Variants in KLHL24 observed in about 807,000 individuals in gnomAD.
KLHL24 encodes the protein kelch-like protein 24.
A neutral mutation model predicts 53.4 loss-of-function variants in KLHL24; 29 were observed. The observed-to-expected ratio is 0.54, with a 90% CI of 0.40 to 0.74. KLHL24 has a LOEUF of 0.74. KLHL24 is among the 30% of genes least tolerant of loss of function. The pLI, the probability that KLHL24 is intolerant of heterozygous loss-of-function variation, is 0.00. For synonymous variants in KLHL24, 222 were observed against 253.7 expected, an observed-to-expected ratio of 0.88 and a Z score of 1.19; for missense variants, 504 against 744.0, an observed-to-expected ratio of 0.68 and a Z score of 3.75.
rs1400534288 is a variant in KLHL24, at chr3:183,681,244, TAAG to T, written c.*1961_*1963del. 6.6e-6 allele frequency: 1 copy of T among 152,062 alleles called. No individual in the cohort carries two copies. The highest frequency in any genetic ancestry group is 1.5e-5 in the Non-Finnish European group (1 of 67,880). The allele number at this position is 152,062 out of a possible 1,614,324, so 9.4% of individuals were successfully genotyped here. On this transcript the variant is annotated 3_prime_UTR_variant, in exon 8 of 8. Transcript: ENST00000242810. ...CTTATAGATAATAGAATTATTTAGT[TAAG>T]AAATTCTTTACAGTAAATGAGATAA... is the stretch of plus-strand genomic sequence containing the variant.
In KLHL24 at chr3:183,650,241, G is replaced by A; in HGVS notation, c.-61-55G>A. 1 of 711,916 alleles carries A rather than the reference G, an allele frequency of 1.4e-6. No homozygotes were observed. The highest frequency in any genetic ancestry group is 2.3e-6 in the Non-Finnish European group (1 of 433,166). 44.1% of individuals were successfully genotyped at this position (711,916 alleles called of 1,614,324 possible). ...TGTTTATATTAAAATGAAATTATGT[G>A]ATTTGAATACTGAATTTTTTGCATA... On this transcript the variant is annotated intron_variant, in intron 2 of 7. Coordinates refer to ENST00000242810, the MANE Select transcript of KLHL24 (RefSeq NM_017644.3). This position sits in a 1 kb window ranked among gnomAD's most constrained non-coding sequence, Gnocchi z 4.5.
In KLHL24 at chr3:183,663,418, T is replaced by A. The variant is rs1560172984; in HGVS notation, c.921-40T>A. ...ATCTGGAGTATATTTTAATGTAATA[T>A]TATTATATTATTTATGTACGCTAAT... On this transcript the variant is annotated intron_variant, in intron 3 of 7. Coordinates refer to ENST00000242810, the MANE Select transcript of KLHL24 (RefSeq NM_017644.3). The surrounding 1 kb of genome is among the most constrained non-coding windows in gnomAD (Gnocchi z 4.9). 5.8e-6 allele frequency: 6 copies of A among 1,041,020 alleles called. No individual in the cohort carries two copies. The Admixed American group carries it at 1.4e-4, about 24-fold the overall frequency. 64.5% of individuals were successfully genotyped at this position (1,041,020 alleles called of 1,614,324 possible). A position where few individuals can be genotyped will look rare whatever the true frequency, so the allele number is the denominator to read the frequency against.
rs954349793 is a variant in KLHL24 at position 183,679,394 on chromosome 3, T to G, written c.*108T>G. 2 of 701,436 alleles carry G rather than the reference T, an allele frequency of 2.9e-6. No homozygotes were observed. Among genetic ancestry groups the G allele is most frequent in the Non-Finnish European group, 4.7e-6 (2 of 423,328 alleles). 43.5% of individuals were successfully genotyped at this position (701,436 alleles called of 1,614,324 possible). A position where few individuals can be genotyped will look rare whatever the true frequency, so the allele number is the denominator to read the frequency against. ...CCTTTGTGCCATATGCAAAAAATAG[T>G]AAAAATAATAATTTGGTGCCTTTCT... On this transcript the variant is annotated 3_prime_UTR_variant, in exon 8 of 8. Coordinates refer to ENST00000242810, the MANE Select transcript of KLHL24 (RefSeq NM_017644.3).
chr3:183,639,625 G>C, intron 1 of KLHL24, among the ~76,000 whole-genome samples: 1 of 92,824 alleles, frequency 1.1e-5, no homozygotes, highest in East Asian at 3.6e-4. Context: ...GCAAGACTCT[G>C]TCTCAAAAAA....
chr3:183,643,203 C>T (rs1716730375), intron 1 of KLHL24: 1 of 152,192 alleles, frequency 6.6e-6, no homozygotes, highest in Non-Finnish European at 1.5e-5. Flanking sequence ...GCACTCCAGT[C>T]TGGGCAATAA....
At chr3:183,669,561 C>T (rs1431822540) in intron 5 of KLHL24, among the ~76,000 whole-genome samples, 6 of 152,022 alleles carry the variant, frequency 3.9e-5, no homozygotes, top group Non-Finnish European at 7.4e-5. Context: ...CACAAACTCA[C>T]CAACAGATTA....
intron 2 of KLHL24, among the ~76,000 whole-genome samples, chr3:183,644,631 T>A (rs1255069408): frequency 6.6e-6 from 1 of 152,192 alleles, no homozygotes; most frequent in Non-Finnish European, 1.5e-5. Flanking sequence ...AGACCTCTTT[T>A]GTCAGTGAAC....
In KLHL24 at chr3:183,650,261, T is replaced by G; in HGVS notation, c.-61-35T>G. On this transcript the variant is annotated intron_variant, in intron 2 of 7. Coordinates refer to ENST00000242810, the MANE Select transcript of KLHL24 (RefSeq NM_017644.3). This position sits in a 1 kb window ranked among gnomAD's most constrained non-coding sequence, Gnocchi z 4.5. ...TATGTGATTTGAATACTGAATTTTT[T>G]GCATATTGAAATGTTTTCCTTTTTT... The G allele has an allele frequency of 1.2e-6, 1 of 861,306 alleles. No individual in the cohort carries two copies. Among genetic ancestry groups the G allele is most frequent in the Non-Finnish European group, 1.8e-6 (1 of 561,070 alleles). The allele number at this position is 861,306 out of a possible 1,614,324, so 53.4% of individuals were successfully genotyped here.
chr3:183,666,487 C>T (rs749049360), intron 5 of KLHL24, among the ~76,000 whole-genome samples: 3 of 152,126 alleles, frequency 2.0e-5, no homozygotes, highest in Non-Finnish European at 2.9e-5. Flanking sequence ...GTGTTGAACT[C>T]CTGGGCTCAA....
chr3:183,660,895 C>G (rs560871473), intron 3 of KLHL24, among the ~76,000 whole-genome samples: 31 of 151,212 alleles, frequency 2.1e-4, no homozygotes, highest in Admixed American at 1.1e-3. Context: ...AACCCTGTCT[C>G]TACTAAAAAT....
intron 2 of KLHL24, among the ~76,000 whole-genome samples, chr3:183,645,821 A>G (rs1029753261): frequency 6.6e-6 from 1 of 152,180 alleles, no homozygotes; most frequent in Admixed American, 6.5e-5. Context: ...ATTTAAGAGA[A>G]ACTAATTTTC....
chr3:183,637,963 C>CA (rs1182978299), intron 1 of KLHL24, among the ~76,000 whole-genome samples: 2 of 152,112 alleles, frequency 1.3e-5, no homozygotes, highest in Non-Finnish European at 2.9e-5. Flanking sequence ...CTGGCAAAGA[C>CA]AATACATTTT....
At chr3:183,658,588 G>A (rs904526603) in intron 3 of KLHL24, among the ~76,000 whole-genome samples, 6 of 151,956 alleles carry the variant, frequency 3.9e-5, no homozygotes, top group Non-Finnish European at 8.8e-5. Context: ...TTGAATTACT[G>A]GAAGTAGACT....
At chr3:183,656,855 G>T (rs1718971640) in intron 3 of KLHL24, among the ~76,000 whole-genome samples, 1 of 149,670 alleles carries the variant, frequency 6.7e-6, no homozygotes, top group Non-Finnish European at 1.5e-5. Context: ...GAGCCCAGGA[G>T]TTCGAGACCT....
rs572773905 is a variant in KLHL24, at chr3:183,661,865, A to G, written c.921-1593A>G. ...AAGTGATTTAACTTCAGTGACTAGC[A>G]GTGTTTGTTTTGATTGATTAATAAA... is the stretch of plus-strand genomic sequence containing the variant. On this transcript the variant is annotated intron_variant, in intron 3 of 7. Coordinates refer to ENST00000242810, the MANE Select transcript of KLHL24 (RefSeq NM_017644.3). Among the ~76,000 whole-genome samples, 70 of 152,276 alleles carry G rather than the reference A, an allele frequency of 4.6e-4. 2 individuals carry two copies. The South Asian group carries it at 0.014, about 30-fold the overall frequency.
chr3:183,650,381 C>T lies in KLHL24; in HGVS notation c.25C>T (p.Leu9=), dbSNP rs1377985846. Residue 9 remains leucine, a synonymous_variant, in exon 3 of 8, where the codon CTA becomes TTA. Coordinates refer to ENST00000242810, the MANE Select transcript of KLHL24 (RefSeq NM_017644.3). The surrounding 1 kb of genome is among the most constrained non-coding windows in gnomAD (Gnocchi z 4.5). The part of the protein sequence containing the change: MVLILGRR[L]NREDLGVRDS... Reference sequence around the variant, plus strand: ...AATGGTACTAATATTGGGACGCAGACTAAACAGAGAGGATCTTGGGGTGCG... The same window carrying T: ...AATGGTACTAATATTGGGACGCAGATTAAACAGAGAGGATCTTGGGGTGCG... The T allele has an allele frequency of 6.2e-7, 1 of 1,613,762 alleles. No homozygotes were observed. Among genetic ancestry groups the T allele is most frequent in the Admixed American group, 1.7e-5 (1 of 59,982 alleles).
At chr3:183,641,596 G>T (rs1716459226) in intron 1 of KLHL24, among the ~76,000 whole-genome samples, 1 of 151,374 alleles carries the variant, frequency 6.6e-6, no homozygotes, top group South Asian at 2.1e-4. Context: ...ATCTCCTGTG[G>T]TGTTCTTTCA....
intron 1 of KLHL24, chr3:183,643,214 G>A (rs1716733492): frequency 6.6e-6 from 1 of 152,288 alleles, no homozygotes; most frequent in East Asian, 1.9e-4. Flanking sequence ...TGGGCAATAA[G>A]AGCAAAACTC....
intron 3 of KLHL24, among the ~76,000 whole-genome samples, chr3:183,651,945 C>A (rs375073131): frequency 2.2e-4 from 31 of 142,604 alleles, no homozygotes; most frequent in Admixed American, 2.8e-4. Flanking sequence ...GACTCTGTCT[C>A]AAAAAAAAAA....
Sources: allele counts gnomAD v4.1 joint callset (sites outside exome capture counted in the v4.1 genomes callset), GRCh38; gene constraint gnomAD v4.1.1; non-coding constraint Gnocchi (gnomAD v3.1); transcripts MANE v1.5; gene names NCBI Gene and HGNC (gene_info 2026-07-23, HGNC 2026-07-21).